The following NMRK1 variants were observed in gnomAD, a reference collection of about 807,000 sequenced individuals.
The protein encoded by NMRK1 is NRK 1.
Under a neutral mutation model 29.9 loss-of-function variants are expected in NMRK1, and 28 were observed. The observed-to-expected ratio is 0.94, with a 90% CI of 0.69 to 1.28. NMRK1 has a LOEUF of 1.28. NMRK1 is among the 50% of genes most tolerant of loss of function. The pLI, the probability that NMRK1 is intolerant of heterozygous loss-of-function variation, is 0.00. For missense variants in NMRK1, 218 were observed against 233.1 expected (o/e 0.94, Z 0.42); for synonymous variants, 58 against 73.0 (o/e 0.79, Z 1.05).
rs528033812 is a variant in NMRK1 at position 75,084,547 on chromosome 9, G to A, written c.-35-1397C>T. 1.2e-3 allele frequency among the ~76,000 whole-genome samples: 176 copies of A among 152,330 alleles called. 1 individual carries two copies. Among genetic ancestry groups the A allele is most frequent in the Middle Eastern group, 0.01 (3 of 294 alleles). ...CTCATGCCTATAATCCCAGCACTTT[G>A]GGAGGCCAAGGCAGGCGGATTGCTT... On this transcript the variant is annotated intron_variant, in intron 1 of 8. Transcript: ENST00000361092.
chr9:75,087,274 T>TC (rs1217322685), intron 1 of NMRK1, among the ~76,000 whole-genome samples: 2 of 152,160 alleles, frequency 1.3e-5, no homozygotes, highest in African/African-American at 2.4e-5. Context: ...GTTTTTTCTT[T>TC]CCCCAAATAT....
chr9:75,077,951 AT>A (rs1184461607), intron 2 of NMRK1, among the ~76,000 whole-genome samples: 6 of 152,290 alleles, frequency 3.9e-5, no homozygotes, highest in South Asian at 4.1e-4. Flanking sequence ...CTTTAAAATA[AT>A]TTTTTAAGAG....
chr9:75,073,883 C>T (rs1403803044), intron 4 of NMRK1, among the ~76,000 whole-genome samples: 7 of 152,142 alleles, frequency 4.6e-5, no homozygotes, highest in African/African-American at 1.7e-4. Context: ...GTTTTATCTT[C>T]CTGTCGAAGT....
intron 1 of NMRK1, 148 bp from the exon 2 acceptor site, chr9:75,083,298 G>A (rs113311679): frequency 3.6e-5 from 22 of 616,166 alleles, no homozygotes; most frequent in South Asian, 7.7e-5. Flanking sequence ...CATTCCCGCC[G>A]CACTGGCTTC....
chr9:75,072,191 T>A (rs961351728), intron 4 of NMRK1, among the ~76,000 whole-genome samples: 1 of 152,210 alleles, frequency 6.6e-6, no homozygotes, highest in Non-Finnish European at 1.5e-5. Context: ...TTCTCCTGTA[T>A]ATGTAGGAGG....
At chr9:75,074,780 T>C (rs1823897258) in intron 4 of NMRK1, among the ~76,000 whole-genome samples, 1 of 152,260 alleles carries the variant, frequency 6.6e-6, no homozygotes, top group Admixed American at 6.5e-5. Flanking sequence ...AACTTGGTAG[T>C]TCCACATTTT....
At chr9:75,068,635 G>A (rs1823508672) in intron 7 of NMRK1, among the ~76,000 whole-genome samples, 2 of 152,190 alleles carry the variant, frequency 1.3e-5, no homozygotes, top group African/African-American at 2.4e-5. Context: ...AGAACTTGGT[G>A]TCGCAGAACT....
At chr9:75,085,568 C>T (rs541238108) in intron 1 of NMRK1, among the ~76,000 whole-genome samples, 5 of 152,020 alleles carry the variant, frequency 3.3e-5, no homozygotes, top group Admixed American at 3.3e-4. Context: ...TGTGGTTACA[C>T]GTGTGACCAT....
intron 2 of NMRK1, among the ~76,000 whole-genome samples, chr9:75,077,982 A>G (rs879278373): frequency 6.6e-6 from 1 of 152,214 alleles, no homozygotes; most frequent in Non-Finnish European, 1.5e-5. Flanking sequence ...AGCAATATTT[A>G]CTATTTAAGA....
chr9:75,083,290 T>G, intron 1 of NMRK1, 140 bp from the exon 2 acceptor site: 5 of 612,932 alleles, frequency 8.2e-6, no homozygotes, highest in Non-Finnish European at 1.2e-5. Flanking sequence ...ATTATCCACA[T>G]TCCCGCCGCA....
chr9:75,085,072 T>C (rs1311409741), intron 1 of NMRK1, among the ~76,000 whole-genome samples: 2 of 152,186 alleles, frequency 1.3e-5, no homozygotes, highest in Non-Finnish European at 2.9e-5. Context: ...AAATGTTCTT[T>C]CTCTTACAAA....
intron 3 of NMRK1, 51 bp downstream of exon 3, chr9:75,077,439 T>C (rs1252965221): frequency 8.0e-7 from 1 of 1,254,858 alleles, no homozygotes; most frequent in Non-Finnish European, 1.2e-6. Flanking sequence ...ATTAACGTGG[T>C]GGTTAAACAT....
intron 1 of NMRK1, among the ~76,000 whole-genome samples, chr9:75,086,765 A>C (rs1475576539): frequency 5.9e-5 from 9 of 152,226 alleles, no homozygotes. Context: ...ATATTTTAAA[A>C]AGAGAAAAAT....
chr9:75,081,556 C>A (rs1824322817), intron 2 of NMRK1, among the ~76,000 whole-genome samples: 1 of 152,198 alleles, frequency 6.6e-6, no homozygotes, highest in Non-Finnish European at 1.5e-5. Flanking sequence ...AGGTATACGG[C>A]CCTGTATTGG....
chr9:75,086,320 C>A (rs1824627941), intron 1 of NMRK1, among the ~76,000 whole-genome samples: 1 of 152,144 alleles, frequency 6.6e-6, no homozygotes, highest in Non-Finnish European at 1.5e-5. Flanking sequence ...TGTGATGTGT[C>A]CAAAGAGTCA....
In NMRK1 at chr9:75,069,722, A is replaced by C. The variant is rs1371329599; in HGVS notation, c.389+20T>G. ...TTTTTGTTTTGAATTACAACTCACA[A>C]AGATGGCTTCAAAACTTACCTCCTC... On this transcript the variant is annotated intron_variant, in intron 6 of 8. Coordinates refer to ENST00000361092, the MANE Select transcript of NMRK1 (RefSeq NM_017881.3). 6.3e-7 allele frequency: 1 copy of C among 1,599,148 alleles called. No individual in the cohort carries two copies. The highest frequency in any genetic ancestry group is 1.3e-5 in the African/African-American group (1 of 74,342).
chr9:75,068,485 C>G (rs1267536054), intron 7 of NMRK1, among the ~76,000 whole-genome samples: 1 of 152,178 alleles, frequency 6.6e-6, no homozygotes, highest in African/African-American at 2.4e-5. Context: ...CTGGCCCTTT[C>G]GTGTGCCACA....
intron 2 of NMRK1, among the ~76,000 whole-genome samples, chr9:75,080,928 GTTTC>G (rs980999647): frequency 5.9e-5 from 9 of 152,128 alleles, no homozygotes; most frequent in African/African-American, 2.2e-4. Context: ...TCACCACCAT[GTTTC>G]TTGTAGAGCC....
intron 4 of NMRK1, among the ~76,000 whole-genome samples, chr9:75,072,361 C>T (rs1270398163): frequency 6.6e-6 from 1 of 152,184 alleles, no homozygotes; most frequent in East Asian, 1.9e-4. Flanking sequence ...AGCAATGGGA[C>T]TAATCCATCT....
Sources: gnomAD v4.1 joint callset for allele counts (sites outside exome capture counted in the v4.1 genomes callset) on GRCh38, gnomAD v4.1.1 for gene constraint, MANE v1.5 for transcripts, NCBI Gene and HGNC (gene_info 2026-07-23, HGNC 2026-07-21) for gene names.